Variants in PIAS1 observed in about 807,000 individuals in gnomAD.
PIAS1 encodes E3 SUMO-protein ligase PIAS1.
A neutral mutation model predicts 71.3 loss-of-function variants in PIAS1; 6 were observed. The ratio of observed to expected loss-of-function variants is 0.08; its 90% CI spans 0.05 to 0.17. PIAS1 has a LOEUF of 0.17. Among genes scored for constraint, PIAS1 ranks in the 10% least tolerant of loss-of-function variants. The pLI is 1.00. For synonymous variants in PIAS1, 303 were observed against 292.9 expected, an observed-to-expected ratio of 1.03 and a Z score of -0.35; for missense variants, 555 against 793.6, an observed-to-expected ratio of 0.70 and a Z score of 3.61.
chr15:68,176,745 A>G (rs2093022483), intron 11 of PIAS1, 91 bp downstream of exon 11: 1 of 904,758 alleles, frequency 1.1e-6, no homozygotes. Flanking sequence ...ATGATTCTTG[A>G]TTGTGAAACT....
intron 7 of PIAS1, among the ~76,000 whole-genome samples, chr15:68,163,206 T>A (rs1480385073): frequency 6.6e-6 from 1 of 152,240 alleles, no homozygotes; most frequent in African/African-American, 2.4e-5. Context: ...AAGATACTAC[T>A]TTTTAAAATC....
intron 2 of PIAS1, among the ~76,000 whole-genome samples, chr15:68,093,062 T>G (rs1342391921): frequency 1.3e-5 from 2 of 152,216 alleles, no homozygotes; most frequent in Non-Finnish European, 2.9e-5. Context: ...CTTCGCAGTT[T>G]TAGATTATTT....
intron 1 of PIAS1, among the ~76,000 whole-genome samples, chr15:68,079,404 C>T (rs1006326271): frequency 3.3e-5 from 5 of 152,158 alleles, no homozygotes; most frequent in African/African-American, 1.2e-4. Context: ...CATAAGAAGT[C>T]TGGCAATGTG....
chr15:68,072,734 G>A (rs779529815), intron 1 of PIAS1, among the ~76,000 whole-genome samples: 3 of 152,084 alleles, frequency 2.0e-5, no homozygotes, highest in Non-Finnish European at 4.4e-5. Flanking sequence ...TCATAAAACA[G>A]CCTCTAAATT....
At chr15:68,153,132 A>G (rs1000061510) in intron 6 of PIAS1, among the ~76,000 whole-genome samples, 1 of 151,960 alleles carries the variant, frequency 6.6e-6, no homozygotes, top group African/African-American at 2.4e-5. Context: ...CTCATTTGTC[A>G]TTTAAAAAAA....
chr15:68,151,865 A>G (rs1189315459), intron 6 of PIAS1, among the ~76,000 whole-genome samples: 1 of 151,024 alleles, frequency 6.6e-6, no homozygotes, highest in Admixed American at 6.6e-5. Context: ...GTCTCAAATT[A>G]AATAAATAAA....
intron 6 of PIAS1, among the ~76,000 whole-genome samples, chr15:68,148,862 G>A (rs1172860653): frequency 1.3e-5 from 2 of 152,226 alleles, no homozygotes; most frequent in Non-Finnish European, 2.9e-5. Context: ...AGCTCTTGTG[G>A]AAGTATTAGT....
chr15:68,100,593 TAATG>T (rs2092415289), intron 2 of PIAS1, among the ~76,000 whole-genome samples: 2 of 152,324 alleles, frequency 1.3e-5, no homozygotes, highest in South Asian at 2.1e-4. Context: ...GTTTGGCTGT[TAATG>T]AATAAAATTA....
chr15:68,117,519 C>T (rs1383279259), intron 2 of PIAS1, among the ~76,000 whole-genome samples: 1 of 152,236 alleles, frequency 6.6e-6, no homozygotes, highest in Non-Finnish European at 1.5e-5. Flanking sequence ...TTTCTCTTCC[C>T]TCTGTCCTCC....
At chr15:68,151,214 G>A (rs2092841614) in intron 6 of PIAS1, among the ~76,000 whole-genome samples, 1 of 151,984 alleles carries the variant, frequency 6.6e-6, no homozygotes, top group Admixed American at 6.5e-5. Flanking sequence ...TTCATATGAT[G>A]TAAAAATTTC....
At chr15:68,175,877 T>A in intron 10 of PIAS1, 110 bp downstream of exon 10, 1 of 581,188 alleles carries the variant, frequency 1.7e-6, no homozygotes, top group Non-Finnish European at 2.7e-6. Flanking sequence ...GTGGATAGCT[T>A]AATAATTCCT....
chr15:68,061,162 G>A (rs1181072301), intron 1 of PIAS1, among the ~76,000 whole-genome samples: 1 of 152,276 alleles, frequency 6.6e-6, no homozygotes, highest in East Asian at 1.9e-4. Flanking sequence ...AATTTGATTC[G>A]TTCGACTTTG....
Position 68,054,772 on chromosome 15 carries a change from C to T in PIAS1, c.24+422C>T, listed in dbSNP as rs970700209. 4 of 157,116 alleles carry T rather than the reference C, an allele frequency of 2.5e-5. No individual in the cohort carries two copies. Among genetic ancestry groups the T allele is most frequent in the Middle Eastern group, 3.1e-3 (1 of 322 alleles). The allele number at this position is 157,116 out of a possible 1,614,324, so 9.7% of individuals were successfully genotyped here. On this transcript the variant is annotated intron_variant, in intron 1 of 13. Transcript: ENST00000249636. The surrounding 1 kb of genome is among the most constrained non-coding windows in gnomAD (Gnocchi z 4.6). ...TCCCCGTGGCCGCTTCCTCTTCCTC[C>T]TTTGCAGTCCCGGGCTCCTGTCAGG...
intron 1 of PIAS1, among the ~76,000 whole-genome samples, chr15:68,056,753 TGAGAATGTGTTAAAAAAAA>T (rs1270523758): frequency 1.3e-5 from 2 of 151,846 alleles, no homozygotes; most frequent in Non-Finnish European, 2.9e-5. Context: ...CATAGTTATT[TGAGAATGTGTTAAAAAAAA>T]GAGAATGTGT....
intron 2 of PIAS1, among the ~76,000 whole-genome samples, chr15:68,100,927 G>T (rs1595724757): frequency 6.7e-6 from 1 of 149,468 alleles, no homozygotes. Context: ...ATAAGGTCTC[G>T]CTCTGTCACC....
chr15:68,149,945 T>C (rs903920821), intron 6 of PIAS1, among the ~76,000 whole-genome samples: 3 of 152,148 alleles, frequency 2.0e-5, no homozygotes, highest in African/African-American at 7.2e-5. Flanking sequence ...ATAACATTAT[T>C]ATAATGTTGC....
chr15:68,092,644 A>C (rs1461058438), intron 2 of PIAS1, among the ~76,000 whole-genome samples: 2 of 152,186 alleles, frequency 1.3e-5, no homozygotes, highest in Admixed American at 6.5e-5. Context: ...GTGATTAGGT[A>C]ATGAGGGCGT....
intron 2 of PIAS1, among the ~76,000 whole-genome samples, chr15:68,090,792 C>A (rs1178542984): frequency 6.6e-6 from 1 of 151,956 alleles, no homozygotes; most frequent in Non-Finnish European, 1.5e-5. Flanking sequence ...TAATATACTC[C>A]ATTTAAAAAA....
At chr15:68,156,709 TAAA>T (rs35479013) in intron 7 of PIAS1, among the ~76,000 whole-genome samples, 67 of 119,066 alleles carry the variant, frequency 5.6e-4, no homozygotes, top group African/African-American at 1.9e-3. Context: ...ACACTGTCTT[TAAA>T]AAAAAAAAAA....
Sources: allele counts gnomAD v4.1 joint callset (sites outside exome capture counted in the v4.1 genomes callset), GRCh38; gene constraint gnomAD v4.1.1; non-coding constraint Gnocchi (gnomAD v3.1); transcripts MANE v1.5; gene names NCBI Gene and HGNC (gene_info 2026-07-23, HGNC 2026-07-21).